The following ADAMTS19 variants were observed in gnomAD, a reference collection of about 807,000 sequenced individuals.
ADAMTS19 encodes A disintegrin and metalloproteinase with thrombospondin motifs 19.
A neutral mutation model predicts 153.3 loss-of-function variants in ADAMTS19; 93 were observed. The observed-to-expected ratio is 0.61, with a 90% CI of 0.51 to 0.72. The LOEUF is 0.72. Ranked by LOEUF, ADAMTS19 falls within the 30% of genes least tolerant of loss-of-function variation. ADAMTS19 has a pLI of 0.00. For synonymous variants in ADAMTS19, 600 were observed against 556.6 expected (o/e 1.08, Z -1.10); for missense variants, 1,482 against 1,552.1 (o/e 0.95, Z 0.76).
intron 11 of ADAMTS19, among the ~76,000 whole-genome samples, chr5:129,644,407 G>A (rs1752963575): frequency 6.6e-6 from 1 of 152,146 alleles, no homozygotes; most frequent in Admixed American, 6.5e-5. Flanking sequence ...TGCTAACCAA[G>A]AGACAAAGCT....
chr5:129,677,523 C>G (rs1754605249), intron 16 of ADAMTS19, among the ~76,000 whole-genome samples: 1 of 151,918 alleles, frequency 6.6e-6, no homozygotes, highest in South Asian at 2.1e-4. Context: ...CAACTATGTT[C>G]TTTTGACAGT....
chr5:129,681,381 C>T (rs945242736), intron 17 of ADAMTS19, among the ~76,000 whole-genome samples: 3 of 152,094 alleles, frequency 2.0e-5, no homozygotes, highest in Non-Finnish European at 2.9e-5. Context: ...ATAAAGGGAG[C>T]AAGGTGAGTG....
intron 2 of ADAMTS19, among the ~76,000 whole-genome samples, chr5:129,462,737 G>T (rs544337475): frequency 6.6e-6 from 1 of 152,200 alleles, no homozygotes; most frequent in African/African-American, 2.4e-5. Flanking sequence ...TATGGTTGTT[G>T]CCACCACCAT....
At chr5:129,556,994 A>G (rs1002317325) in intron 7 of ADAMTS19, among the ~76,000 whole-genome samples, 3 of 152,174 alleles carry the variant, frequency 2.0e-5, no homozygotes, top group Admixed American at 6.5e-5. Flanking sequence ...GAAAACCAGA[A>G]CACTTTCTAA....
intron 7 of ADAMTS19, among the ~76,000 whole-genome samples, chr5:129,573,845 T>TGG (rs145662248): frequency 0.045 from 6,911 of 152,140 alleles, 484 homozygotes; most frequent in African/African-American, 0.16. Context: ...GTTTTGATGG[T>TGG]GCTATTAAAT....
At chr5:129,494,255 G>C (rs1750858621) in intron 2 of ADAMTS19, among the ~76,000 whole-genome samples, 1 of 152,130 alleles carries the variant, frequency 6.6e-6, no homozygotes. Flanking sequence ...CTGGGGAAAA[G>C]TATTCCTGTG....
chr5:129,539,532 T>C (rs369564306), intron 6 of ADAMTS19, among the ~76,000 whole-genome samples: 1 of 152,202 alleles, frequency 6.6e-6, no homozygotes, highest in East Asian at 1.9e-4. Flanking sequence ...ACTAAGTTCA[T>C]GGTAATCTGT....
At chr5:129,546,317 C>T (rs1024444978) in intron 6 of ADAMTS19, among the ~76,000 whole-genome samples, 2 of 150,298 alleles carry the variant, frequency 1.3e-5, no homozygotes, top group South Asian at 4.2e-4. Flanking sequence ...AGCGCACCAG[C>T]ATGGCACATG....
intron 8 of ADAMTS19, among the ~76,000 whole-genome samples, chr5:129,602,526 A>T (rs1003213232): frequency 6.6e-6 from 1 of 152,190 alleles, no homozygotes; most frequent in African/African-American, 2.4e-5. Flanking sequence ...AACTGCATAA[A>T]AATTCTTGAG....
intron 13 of ADAMTS19, among the ~76,000 whole-genome samples, chr5:129,652,390 A>G (rs996553976): frequency 3.3e-5 from 5 of 152,244 alleles, no homozygotes; most frequent in African/African-American, 9.6e-5. Flanking sequence ...TGGGGTAGCA[A>G]TGCAGCAGTG....
intron 2 of ADAMTS19, among the ~76,000 whole-genome samples, chr5:129,466,541 C>A (rs1290166742): frequency 2.0e-5 from 3 of 151,826 alleles, no homozygotes; most frequent in South Asian, 2.1e-4. Flanking sequence ...AATAAAAACT[C>A]AATAGATGAG....
At chr5:129,495,233 C>T (rs2126698676) in intron 2 of ADAMTS19, among the ~76,000 whole-genome samples, 1 of 152,174 alleles carries the variant, frequency 6.6e-6, no homozygotes, top group Middle Eastern at 3.4e-3. Context: ...TGCCAGTCTG[C>T]ACCAGGCTCC....
At chr5:129,572,488 A>G (rs1289936587) in intron 7 of ADAMTS19, among the ~76,000 whole-genome samples, 1 of 152,018 alleles carries the variant, frequency 6.6e-6, no homozygotes, top group Non-Finnish European at 1.5e-5. Flanking sequence ...TATCTGATCT[A>G]TTCATAATTG....
intron 3 of ADAMTS19, among the ~76,000 whole-genome samples, chr5:129,516,276 CTT>C (rs61392717): frequency 4.5e-5 from 6 of 134,092 alleles, no homozygotes; most frequent in African/African-American, 1.4e-4. Flanking sequence ...TTTTTCTTTT[CTT>C]TTTTTTTTTT....
Position 129,461,793 on chromosome 5 carries a change from C to T in ADAMTS19, c.747+36C>T. 6.8e-7 allele frequency: 1 copy of T among 1,475,068 alleles called. No homozygotes were observed. The highest frequency in any genetic ancestry group is 2.6e-5 in the East Asian group (1 of 39,118). The allele number at this position is 1,475,068 out of a possible 1,614,324, so 91.4% of individuals were successfully genotyped here. On this transcript the variant is annotated intron_variant, in intron 2 of 22. Transcript: ENST00000274487. This position sits in a 1 kb window ranked among gnomAD's most constrained non-coding sequence, Gnocchi z 4.6. Reference sequence around the variant, plus strand: ...TCTTTCCCTAGCTCTCCATTTTCCCCTGCTGCTCCTCTCCTTGCCCATAGG... The same window carrying T: ...TCTTTCCCTAGCTCTCCATTTTCCCTTGCTGCTCCTCTCCTTGCCCATAGG...
At chr5:129,645,533 T>C (rs1753022621) in intron 11 of ADAMTS19, among the ~76,000 whole-genome samples, 2 of 152,210 alleles carry the variant, frequency 1.3e-5, no homozygotes, top group Non-Finnish European at 2.9e-5. Flanking sequence ...ATTTCACTGA[T>C]GTGTATATGC....
chr5:129,649,147 T>C (rs1753202431), intron 13 of ADAMTS19, among the ~76,000 whole-genome samples, 177 bp downstream of exon 13: 1 of 152,234 alleles, frequency 6.6e-6, no homozygotes, highest in Admixed American at 6.5e-5. Context: ...ATTTTAAAAA[T>C]ATGAGGAGCT....
At chr5:129,634,474 A>C (rs1196599611) in intron 10 of ADAMTS19, among the ~76,000 whole-genome samples, 1 of 152,152 alleles carries the variant, frequency 6.6e-6, no homozygotes, top group Non-Finnish European at 1.5e-5. Flanking sequence ...CAAATAGCCA[A>C]GGCAATCAAG....
chr5:129,574,041 A>G (rs185733613), intron 7 of ADAMTS19, among the ~76,000 whole-genome samples: 1 of 152,012 alleles, frequency 6.6e-6, no homozygotes, highest in Admixed American at 6.6e-5. Flanking sequence ...TTAAGCATCT[A>G]CTAAGTACCA....
Sources: gnomAD v4.1 joint callset for allele counts (sites outside exome capture counted in the v4.1 genomes callset) on GRCh38, gnomAD v4.1.1 for gene constraint, Gnocchi (gnomAD v3.1) non-coding constraint, MANE v1.5 for transcripts, NCBI Gene and HGNC (gene_info 2026-07-23, HGNC 2026-07-21) for gene names.